DGKB: variants seen among roughly 807,000 people sequenced by gnomAD.
The protein encoded by DGKB is 90 kDa diacylglycerol kinase.
A neutral mutation model predicts 114.3 loss-of-function variants in DGKB; 67 were observed. The observed-to-expected ratio is 0.59, with a 90% CI of 0.48 to 0.72. The LOEUF is 0.72. Among genes scored for constraint, DGKB ranks in the 30% least tolerant of loss-of-function variants. The probability of loss-of-function intolerance (pLI) is 0.00; values close to 1 mark genes in which losing one functional copy is unlikely to be tolerated. For missense variants in DGKB, 907 were observed against 975.2 expected (o/e 0.93, Z 0.93); for synonymous variants, 398 against 323.1 (o/e 1.23, Z -2.49).
intron 20 of DGKB, among the ~76,000 whole-genome samples, chr7:14,557,324 A>G (rs1451436702): frequency 6.6e-6 from 1 of 152,196 alleles, no homozygotes; most frequent in Non-Finnish European, 1.5e-5. Context: ...AATATTTTCC[A>G]TAGCTGTGGC....
chr7:14,931,571 C>G (rs1432808189), intron 1 of DGKB, among the ~76,000 whole-genome samples: 1 of 152,050 alleles, frequency 6.6e-6, no homozygotes, highest in Non-Finnish European at 1.5e-5. Context: ...GTGAAGTGAC[C>G]ATTGCTGTGC....
At chr7:14,839,407 CTTTTTTTTTTT>C (rs911581318) in intron 2 of DGKB, among the ~76,000 whole-genome samples, 24 of 130,944 alleles carry the variant, frequency 1.8e-4, no homozygotes, top group African/African-American at 6.6e-4. Flanking sequence ...TCTTCTTCTT[CTTTTTTTTTTT>C]TTTTTTTTGA....
intron 1 of DGKB, among the ~76,000 whole-genome samples, chr7:14,966,678 G>A (rs1019383170): frequency 1.4e-4 from 22 of 152,084 alleles, no homozygotes; most frequent in Non-Finnish European, 2.9e-4. Context: ...CTGACCAGAT[G>A]AGAGATTTGT....
intron 17 of DGKB, among the ~76,000 whole-genome samples, chr7:14,592,377 T>A (rs899750142): frequency 1.3e-5 from 2 of 151,970 alleles, no homozygotes; most frequent in African/African-American, 2.4e-5. Flanking sequence ...TTTAAGCATT[T>A]AGAGACAGAA....
At chr7:14,712,844 T>C (rs959241003) in intron 6 of DGKB, among the ~76,000 whole-genome samples, 9 of 152,176 alleles carry the variant, frequency 5.9e-5, no homozygotes, top group African/African-American at 1.9e-4. Context: ...TCAAATTATA[T>C]AGTAAGACTA....
intron 23 of DGKB, among the ~76,000 whole-genome samples, chr7:14,312,913 TATA>T (rs1805654214): frequency 1.3e-5 from 2 of 152,200 alleles, no homozygotes; most frequent in African/African-American, 4.8e-5. Flanking sequence ...TTTGATATTG[TATA>T]ATAATCTGTG....
At chr7:14,761,968 A>G (rs1835762772) in intron 2 of DGKB, among the ~76,000 whole-genome samples, 1 of 152,136 alleles carries the variant, frequency 6.6e-6, no homozygotes, top group African/African-American at 2.4e-5. Context: ...ATTCTGAAAC[A>G]TGGGGCTAAT....
At chr7:14,840,331 A>G (rs1324475373) in intron 2 of DGKB, among the ~76,000 whole-genome samples, 4 of 151,426 alleles carry the variant, frequency 2.6e-5, no homozygotes, top group Non-Finnish European at 4.4e-5. Flanking sequence ...CTTTTTCTGT[A>G]CTCATCATTT....
intron 23 of DGKB, among the ~76,000 whole-genome samples, chr7:14,195,068 T>C (rs530226050): frequency 1.8e-4 from 27 of 152,240 alleles, no homozygotes. Flanking sequence ...CCACTAGCCA[T>C]GTGTATTATC....
chr7:14,748,302 C>T (rs922975146), intron 4 of DGKB, among the ~76,000 whole-genome samples: 2 of 151,652 alleles, frequency 1.3e-5, no homozygotes, highest in Non-Finnish European at 2.9e-5. Flanking sequence ...GTATTAAATG[C>T]TATAGAAAAA....
At chr7:14,285,033 T>TA (rs5882438) in intron 23 of DGKB, among the ~76,000 whole-genome samples, 1 of 151,626 alleles carries the variant, frequency 6.6e-6, no homozygotes, top group Non-Finnish European at 1.5e-5. Context: ...AAAAAAATAA[T>TA]AAAAAAAAGA....
chr7:14,306,170 C>G (rs981480477), intron 23 of DGKB, among the ~76,000 whole-genome samples: 2 of 151,272 alleles, frequency 1.3e-5, no homozygotes, highest in African/African-American at 2.4e-5. Flanking sequence ...TAATTTTATC[C>G]CAGTGATATT....
chr7:14,395,303 C>A (rs1356058934), intron 21 of DGKB, among the ~76,000 whole-genome samples: 1 of 152,016 alleles, frequency 6.6e-6, no homozygotes, highest in Non-Finnish European at 1.5e-5. Flanking sequence ...TCTCACCCTA[C>A]CTTTTGCTGT....
At chr7:14,797,763 T>G (rs1035281810) in intron 2 of DGKB, among the ~76,000 whole-genome samples, 3 of 152,146 alleles carry the variant, frequency 2.0e-5, no homozygotes, top group African/African-American at 7.2e-5. Context: ...GCTTTCCTTC[T>G]TCTCTCCCAT....
intron 2 of DGKB, among the ~76,000 whole-genome samples, chr7:14,825,177 C>T (rs920760743): frequency 6.6e-6 from 1 of 151,284 alleles, no homozygotes. Context: ...GAGGAGCTGC[C>T]CTTCAGAGCA....
chr7:14,270,747 G>C (rs2128431794), intron 23 of DGKB, among the ~76,000 whole-genome samples: 1 of 152,300 alleles, frequency 6.6e-6, no homozygotes, highest in East Asian at 1.9e-4. Context: ...TGTCCTGAAG[G>C]CCTATTGCCT....
chr7:14,393,009 G>GTTTTTTTTTTTTTTTTTT (rs1821627636), intron 21 of DGKB, among the ~76,000 whole-genome samples: 4 of 2,712 alleles, frequency 1.5e-3, no homozygotes, highest in South Asian at 0.017. Flanking sequence ...TTTTTTTTTT[G>GTTTTTTTTTTTTTTTTTT]AGACGGAGTC....
chr7:14,477,216 T>C (rs1049006006), intron 21 of DGKB, among the ~76,000 whole-genome samples: 4 of 152,334 alleles, frequency 2.6e-5, no homozygotes, highest in African/African-American at 9.6e-5. Flanking sequence ...TGAACCTACA[T>C]GGGAGAAGAT....
chr7:14,607,574 T>G (rs1804752557), intron 16 of DGKB, 66 bp from the exon 17 acceptor site: 1 of 633,654 alleles, frequency 1.6e-6, no homozygotes, highest in Admixed American at 2.7e-5. Context: ...AAGTAATGTC[T>G]CTCAGTGTTA....
Sources: allele counts gnomAD v4.1 joint callset (sites outside exome capture counted in the v4.1 genomes callset), GRCh38; gene constraint gnomAD v4.1.1; transcripts MANE v1.5; gene names NCBI Gene and HGNC (gene_info 2026-07-23, HGNC 2026-07-21).